RASSF5: variants seen among roughly 807,000 people sequenced by gnomAD.
RASSF5 encodes the protein Ras association domain family member 5, also known as ras association domain-containing protein 5.
In RASSF5, 25 loss-of-function variants were observed where a neutral mutation model predicts 40.5. The ratio of observed to expected loss-of-function variants is 0.62; its 90% CI spans 0.45 to 0.86. The LOEUF is 0.86. Among genes scored for constraint, RASSF5 ranks in the 40% least tolerant of loss-of-function variants. RASSF5 has a pLI of 0.00. For synonymous variants in RASSF5, 246 were observed against 252.4 expected (o/e 0.97, Z 0.24); for missense variants, 521 against 572.8 (o/e 0.91, Z 0.92).
At chr1:206,551,339 G>A (rs1667835193) in intron 2 of RASSF5, among the ~76,000 whole-genome samples, 1 of 152,180 alleles carries the variant, frequency 6.6e-6, no homozygotes, top group Admixed American at 6.5e-5. Flanking sequence ...ACCTATATCT[G>A]CCAAGAGAAG....
rs1365081732 is a variant in RASSF5, at chr1:206,523,758, CATAAT to C, written c.458-14410_458-14406del. ...TATATAATATATTTTATATAATATA[CATAAT>C]ATATTTTATATATTATATATAATAT... is the stretch of plus-strand genomic sequence containing the variant. On this transcript the variant is annotated intron_variant, in intron 1 of 5. Transcript: ENST00000579436. Among the ~76,000 whole-genome samples the C allele has an allele frequency of 5.5e-5, 5 of 90,462 alleles. No homozygotes were observed. The East Asian group carries it at 1.0e-3, about 19-fold the overall frequency. The allele number at this position is 90,462 out of a possible 152,430, so 59.3% of individuals were successfully genotyped here.
chr1:206,581,920 C>T (rs187858838), intron 2 of RASSF5, among the ~76,000 whole-genome samples: 1,799 of 152,042 alleles, frequency 0.012, 42 homozygotes, highest in African/African-American at 0.041. Flanking sequence ...GGTGATGTGA[C>T]GTCGCGGCAG....
chr1:206,562,598 G>A (rs916825709), intron 2 of RASSF5, among the ~76,000 whole-genome samples: 4 of 152,084 alleles, frequency 2.6e-5, no homozygotes, highest in Non-Finnish European at 2.9e-5. Context: ...ATCAGAACTC[G>A]CATCTCCTTC....
chr1:206,539,886 C>G (rs1572322048), intron 2 of RASSF5, among the ~76,000 whole-genome samples: 3 of 152,202 alleles, frequency 2.0e-5, no homozygotes, highest in Non-Finnish European at 4.4e-5. Context: ...ATTTGCTTTT[C>G]TCTTTGGGAG....
chr1:206,555,322 G>C (rs1279390242), intron 2 of RASSF5, among the ~76,000 whole-genome samples: 1 of 152,084 alleles, frequency 6.6e-6, no homozygotes, highest in African/African-American at 2.4e-5. Context: ...GAGCTTCCCG[G>C]CATGAATCCA....
intron 1 of RASSF5, among the ~76,000 whole-genome samples, chr1:206,523,695 TAATATATTTATATATTATAC>T (rs1221586452): frequency 1.2e-5 from 1 of 84,204 alleles, no homozygotes; most frequent in Non-Finnish European, 2.0e-5. Context: ...ATATTATATA[TAATATATTTATATATTATAC>T]AATATATTTA....
At position 206,507,732 on chromosome 1, in the gene RASSF5, C is replaced by T. The variant is rs782327060; in HGVS notation, c.130C>T (p.Leu44Phe). 6.0e-5 allele frequency: 89 copies of T among 1,478,242 alleles called. No individual in the cohort carries two copies. In the Admixed American group the frequency reaches 2.1e-3, roughly 35 times the overall value. 91.6% of individuals were successfully genotyped at this position (1,478,242 alleles called of 1,614,324 possible). The change falls in exon 1 of 6, where the codon CTC (leucine) becomes TTC (phenylalanine). Residue 44 changes from leucine to phenylalanine, a missense_variant. Physicochemically the swap from Leu to Phe is conservative, Grantham distance 22 (BLOSUM62 0). Around this residue, in one of 2 missense-constraint regions of RASSF5, gnomAD observed 237 missense variants for 212.0 expected, o/e 1.12. Transcript: ENST00000579436. Reference sequence around the variant, plus strand: ...GCCGCCCCCCGACCGGTCCTCGCGCCTCTGTGTCCCGGCGCCCCTCTCCAC... The same window carrying T: ...GCCGCCCCCCGACCGGTCCTCGCGCTTCTGTGTCCCGGCGCCCCTCTCCAC... ...PPPPPDRSSR[L>F]CVPAPLSTAP...
chr1:206,529,761 C>T (rs1667188755), intron 1 of RASSF5: 11 of 433,140 alleles, frequency 2.5e-5, no homozygotes, highest in South Asian at 6.5e-5. Flanking sequence ...TACAATTTTT[C>T]CTTCAAAAAA....
intron 2 of RASSF5, among the ~76,000 whole-genome samples, chr1:206,565,917 G>A (rs1287224037): frequency 1.3e-5 from 2 of 152,178 alleles, no homozygotes; most frequent in African/African-American, 4.8e-5. Flanking sequence ...GGTTATCACA[G>A]CCATTCCTCT....
At position 206,584,864 on chromosome 1, in the gene RASSF5, C is replaced by G; in HGVS notation, c.988+180C>G. On this transcript the variant is annotated intron_variant, in intron 4 of 5. Coordinates refer to ENST00000579436, the MANE Select transcript of RASSF5 (RefSeq NM_182663.4). The surrounding 1 kb of genome is among the most constrained non-coding windows in gnomAD (Gnocchi z 4.9). ...GGGCAGGGAGGCAAGAGCAGAGTCCCTGACTCTGCATGTGACTTCAGGAAA... is the reference window on the plus strand; with the variant it reads ...GGGCAGGGAGGCAAGAGCAGAGTCCGTGACTCTGCATGTGACTTCAGGAAA... 1 of 665,118 alleles carries G rather than the reference C, an allele frequency of 1.5e-6. No homozygotes were observed. The highest frequency in any genetic ancestry group is 2.5e-6 in the Non-Finnish European group (1 of 393,052). 41.2% of individuals were successfully genotyped at this position (665,118 alleles called of 1,614,324 possible). A position where few individuals can be genotyped will look rare whatever the true frequency, so the allele number is the denominator to read the frequency against.
chr1:206,576,017 A>T (rs1417576242), intron 2 of RASSF5, among the ~76,000 whole-genome samples: 8 of 152,202 alleles, frequency 5.3e-5, no homozygotes, highest in African/African-American at 1.9e-4. Flanking sequence ...ACAGGTATTT[A>T]TCTGACACCT....
At position 206,576,685 on chromosome 1, in the gene RASSF5, T is replaced by C. The variant is rs529969778; in HGVS notation, c.580-6584T>C. Among the ~76,000 whole-genome samples, 14 of 152,204 alleles carry C rather than the reference T, an allele frequency of 9.2e-5. No individual in the cohort carries two copies. In the South Asian group the frequency reaches 2.7e-3, roughly 29 times the overall value. On this transcript the variant is annotated intron_variant, in intron 2 of 5. Transcript: ENST00000579436. Reference sequence around the variant, plus strand: ...GAGAGATGGCTATAGACTGGAGAAATTGCATTGGGAAACTACATAGAGAAG... The same window carrying C: ...GAGAGATGGCTATAGACTGGAGAAACTGCATTGGGAAACTACATAGAGAAG...
At chr1:206,517,866 C>T (rs902725559) in intron 1 of RASSF5, among the ~76,000 whole-genome samples, 3 of 152,206 alleles carry the variant, frequency 2.0e-5, no homozygotes, top group Non-Finnish European at 2.9e-5. Flanking sequence ...TAAAGCAACA[C>T]CACCTCCTTA....
chr1:206,542,735 C>T (rs928682573), intron 2 of RASSF5: 113 of 152,174 alleles, frequency 7.4e-4, no homozygotes, highest in African/African-American at 2.6e-3. Context: ...TAACATTTCT[C>T]TTTAAATAGA....
chr1:206,569,970 T>C (rs1668396258), intron 2 of RASSF5, among the ~76,000 whole-genome samples: 1 of 151,842 alleles, frequency 6.6e-6, no homozygotes, highest in Non-Finnish European at 1.5e-5. Context: ...TAAGGGAAGC[T>C]CCCAACTCTA....
intron 1 of RASSF5, chr1:206,529,424 G>A (rs112875260): frequency 1.2e-6 from 1 of 817,900 alleles, no homozygotes; most frequent in Non-Finnish European, 2.1e-6. Context: ...TGCCTGCCCT[G>A]TGTCATAAAA....
chr1:206,574,363 A>C (rs1668556972), intron 2 of RASSF5, among the ~76,000 whole-genome samples: 1 of 152,226 alleles, frequency 6.6e-6, no homozygotes. Context: ...GGACAGGGTC[A>C]CATCCCATCT....
chr1:206,523,878 T>A (rs1365451463), intron 1 of RASSF5, among the ~76,000 whole-genome samples: 36 of 111,112 alleles, frequency 3.2e-4, no homozygotes, highest in East Asian at 1.6e-3. Context: ...TTATATATTT[T>A]ATATATATTT....
At chr1:206,573,907 A>G (rs1668542221) in intron 2 of RASSF5, among the ~76,000 whole-genome samples, 1 of 152,266 alleles carries the variant, frequency 6.6e-6, no homozygotes, top group Non-Finnish European at 1.5e-5. Flanking sequence ...ACAGAAGACC[A>G]AGGGCATGGC....
Sources: gnomAD v4.1 joint callset for allele counts (sites outside exome capture counted in the v4.1 genomes callset) on GRCh38, gnomAD v4.1.1 for gene constraint, gnomAD v4.1.1 regional missense constraint, Gnocchi (gnomAD v3.1) non-coding constraint, MANE v1.5 for transcripts, NCBI Gene and HGNC (gene_info 2026-07-23, HGNC 2026-07-21) for gene names.